SYNE1: variants seen among roughly 807,000 people sequenced by gnomAD.
SYNE1 encodes the protein nesprin-1.
In SYNE1, 616 loss-of-function variants were observed where a neutral mutation model predicts 1,111.0. The observed-to-expected ratio is 0.55, with a 90% CI of 0.52 to 0.59. The LOEUF is 0.59. Among genes scored for constraint, SYNE1 ranks in the 20% least tolerant of loss-of-function variants. SYNE1 has a pLI of 0.00. For missense variants in SYNE1, 10,006 were observed against 10,417.0 expected (o/e 0.96, Z 1.72); for synonymous variants, 3,855 against 3,825.8 (o/e 1.01, Z -0.28).
At chr6:152,335,302 G>A (rs1328500657) in intron 76 of SYNE1, 2 of 152,106 alleles carry the variant, frequency 1.3e-5, no homozygotes, top group Non-Finnish European at 2.9e-5. Flanking sequence ...TTTATTATGT[G>A]TATATCTAAA....
At chr6:152,277,098 G>C (rs2093678810) in intron 98 of SYNE1, among the ~76,000 whole-genome samples, 1 of 151,212 alleles carries the variant, frequency 6.6e-6, no homozygotes, top group African/African-American at 2.4e-5. Flanking sequence ...CACCGTGTTA[G>C]CCAGGATGGT....
intron 100 of SYNE1, among the ~76,000 whole-genome samples, chr6:152,264,866 C>A (rs544611297): frequency 6.6e-6 from 1 of 152,054 alleles, no homozygotes; most frequent in East Asian, 1.9e-4. Context: ...TGCAGAGAAT[C>A]TTTCCCATCT....
intron 104 of SYNE1, among the ~76,000 whole-genome samples, chr6:152,253,504 C>T (rs1220771749): frequency 6.6e-6 from 1 of 152,092 alleles, no homozygotes; most frequent in Non-Finnish European, 1.5e-5. Context: ...GGAAGTCAAG[C>T]CGCAAAGTTA....
chr6:152,593,747 C>T (rs1033643121), intron 3 of SYNE1, among the ~76,000 whole-genome samples: 2 of 152,000 alleles, frequency 1.3e-5, no homozygotes, highest in African/African-American at 4.8e-5. Flanking sequence ...AACCATGTGG[C>T]CTTGACCAAT....
At chr6:152,285,808 A>T (rs2153738082) in intron 95 of SYNE1, among the ~76,000 whole-genome samples, 1 of 152,164 alleles carries the variant, frequency 6.6e-6, no homozygotes, top group East Asian at 1.9e-4. Context: ...TATCATAATT[A>T]TACTTGATTT....
intron 55 of SYNE1, among the ~76,000 whole-genome samples, chr6:152,383,806 A>G (rs1258589747): frequency 6.6e-6 from 1 of 152,208 alleles, no homozygotes; most frequent in Admixed American, 6.5e-5. Flanking sequence ...TTGAATTTAC[A>G]ACTGCCCCCA....
chr6:152,258,366 T>G, intron 101 of SYNE1, among the ~76,000 whole-genome samples: 1 of 152,242 alleles, frequency 6.6e-6, no homozygotes. Context: ...ATGGGAATTG[T>G]TACAATTGTT....
intron 3 of SYNE1, among the ~76,000 whole-genome samples, chr6:152,604,209 G>C (rs2099605126): frequency 6.6e-6 from 1 of 151,348 alleles, no homozygotes; most frequent in Non-Finnish European, 1.5e-5. Flanking sequence ...TAGTGGTATT[G>C]GGAAGGGATT....
Position 152,376,538 on chromosome 6 carries a change from T to G in SYNE1, c.9167A>C (p.Lys3056Thr), listed in dbSNP as rs2058137696. The G allele has an allele frequency of 6.2e-7, 1 of 1,613,928 alleles. No homozygotes were observed. The highest frequency in any genetic ancestry group is 1.3e-5 in the African/African-American group (1 of 74,920). Residue 3056 changes from lysine (K) to threonine (T), a missense_variant, in exon 58 of 146, where the codon AAG becomes ACG. This residue lies in a region of SYNE1 where 4,955 missense variants were observed against 5,017.2 expected (regional missense o/e 0.99). Transcript: ENST00000367255. ...EYNCLCLQAS[K>T]GCQNKEQILQ... ...AATCTGTTCTTTATTCTGGCAGCCC[T>G]TGGATGCTTGCAAACAAAGACTGAA...
intron 49 of SYNE1, among the ~76,000 whole-genome samples, chr6:152,398,254 TA>T (rs1454026909): frequency 6.6e-6 from 1 of 152,148 alleles, no homozygotes; most frequent in East Asian, 1.9e-4. Context: ...CATAAATTAC[TA>T]AAAAACACAA....
intron 32 of SYNE1, among the ~76,000 whole-genome samples, chr6:152,438,742 A>G (rs2098499567): frequency 6.6e-6 from 1 of 152,222 alleles, no homozygotes; most frequent in South Asian, 2.1e-4. Context: ...GTCCCTTAGC[A>G]TAACCATTCC....
At chr6:152,343,992 C>T (rs1002265591) in intron 74 of SYNE1, 89 bp downstream of exon 74, 10 of 1,562,346 alleles carry the variant, frequency 6.4e-6, no homozygotes, top group Middle Eastern at 1.9e-4. Context: ...GGAGTCAATA[C>T]AGTTTGGCAC....
At chr6:152,545,058 C>G (rs942705031) in intron 3 of SYNE1, among the ~76,000 whole-genome samples, 4 of 152,064 alleles carry the variant, frequency 2.6e-5, no homozygotes, top group Admixed American at 6.6e-5. Context: ...ATCCACTTAA[C>G]AGATGGTATG....
At chr6:152,608,881 C>T (rs1456009521) in intron 3 of SYNE1, among the ~76,000 whole-genome samples, 1 of 152,020 alleles carries the variant, frequency 6.6e-6, no homozygotes, top group Admixed American at 6.5e-5. Flanking sequence ...TGCAGTGAGC[C>T]AAGATCGCGC....
At chr6:152,308,805 T>A (rs1460838175) in intron 90 of SYNE1, among the ~76,000 whole-genome samples, 173 bp from the exon 91 acceptor site, 7 of 152,230 alleles carry the variant, frequency 4.6e-5, no homozygotes, top group African/African-American at 1.7e-4. Flanking sequence ...ATTTCAGAAC[T>A]TTCTCTCTAA....
At position 152,176,501 on chromosome 6, in the gene SYNE1, T is replaced by C. The variant is rs886043079; in HGVS notation, c.23520A>G (p.Gly7840=). The change falls in exon 130 of 146, where the codon GGA becomes GGG. Residue 7840 remains glycine (G), a synonymous_variant. Coordinates refer to ENST00000367255, the MANE Select transcript of SYNE1 (RefSeq NM_182961.4). ...CATGGCTGGCTTTAGCAAGTCGTTC[T>C]CCCATTTGTTGGAGCTGTATTTTGT... ...QENKIQLQQM[G]ERLAKASHES... 2 of 1,614,200 alleles carry C rather than the reference T, an allele frequency of 1.2e-6. No homozygotes were observed. The highest frequency in any genetic ancestry group is 2.2e-5 in the South Asian group (2 of 91,076).
At chr6:152,398,099 G>A (rs2097763663) in intron 49 of SYNE1, among the ~76,000 whole-genome samples, 1 of 151,988 alleles carries the variant, frequency 6.6e-6, no homozygotes, top group Admixed American at 6.6e-5. Flanking sequence ...CCTAACTTGA[G>A]CCTATTCTTC....
At chr6:152,362,105 G>T (rs1194890034) in intron 64 of SYNE1, 65 bp downstream of exon 64, 24 of 1,611,564 alleles carry the variant, frequency 1.5e-5, no homozygotes. Context: ...TCCCATTTTT[G>T]TCTGACTGTG....
chr6:152,490,857 AG>A (rs2098966598), intron 11 of SYNE1, among the ~76,000 whole-genome samples: 1 of 152,174 alleles, frequency 6.6e-6, no homozygotes, highest in African/African-American at 2.4e-5. Flanking sequence ...GGCCAGCCCA[AG>A]GAACATCTTA....
Sources: allele counts gnomAD v4.1 joint callset (sites outside exome capture counted in the v4.1 genomes callset), GRCh38; gene constraint gnomAD v4.1.1; regional missense constraint gnomAD v4.1.1; transcripts MANE v1.5; gene names NCBI Gene and HGNC (gene_info 2026-07-23, HGNC 2026-07-21).